Variants in NELL1 observed in about 807,000 individuals in gnomAD.
The protein encoded by NELL1 is protein kinase C-binding protein NELL1.
Under a neutral mutation model 107.4 loss-of-function variants are expected in NELL1, and 76 were observed. That is an observed-to-expected ratio of 0.71 (90% CI 0.59 to 0.86). The LOEUF (loss-of-function observed/expected upper bound fraction) is 0.86. Ranked by LOEUF, NELL1 falls within the 40% of genes least tolerant of loss-of-function variation. The probability of loss-of-function intolerance (pLI) is 0.00; values close to 1 mark genes in which losing one functional copy is unlikely to be tolerated. For synonymous variants in NELL1, 353 were observed against 341.2 expected, an observed-to-expected ratio of 1.03 and a Z score of -0.38; for missense variants, 1,024 against 1,005.5, an observed-to-expected ratio of 1.02 and a Z score of -0.25.
chr11:21,520,762 C>T (rs1855706012), intron 15 of NELL1, among the ~76,000 whole-genome samples: 1 of 152,198 alleles, frequency 6.6e-6, no homozygotes, highest in South Asian at 2.1e-4. Context: ...CCCCATGCAC[C>T]TGCTCCTTAC....
chr11:20,851,164 A>G (rs1055091869), intron 4 of NELL1, among the ~76,000 whole-genome samples: 1 of 152,182 alleles, frequency 6.6e-6, no homozygotes, highest in Non-Finnish European at 1.5e-5. Flanking sequence ...AGATAATTCC[A>G]TTGCTCTGAG....
intron 12 of NELL1, among the ~76,000 whole-genome samples, chr11:21,019,500 G>A (rs924939449): frequency 6.6e-5 from 10 of 152,018 alleles, no homozygotes; most frequent in Non-Finnish European, 5.9e-5. Flanking sequence ...GGGGCTATGT[G>A]TATCTTATTG....
intron 15 of NELL1, among the ~76,000 whole-genome samples, chr11:21,441,094 A>G (rs116246800): frequency 0.021 from 3,160 of 152,140 alleles, 51 homozygotes; most frequent in African/African-American, 0.05. Flanking sequence ...CTTTAATCTT[A>G]CCTCCTACAT....
intron 4 of NELL1, among the ~76,000 whole-genome samples, chr11:20,856,408 C>T (rs1848883384): frequency 2.0e-5 from 3 of 152,206 alleles, no homozygotes; most frequent in Admixed American, 6.5e-5. Flanking sequence ...CGCATCCCTA[C>T]TCATTAGAGT....
intron 15 of NELL1, among the ~76,000 whole-genome samples, chr11:21,525,512 G>A (rs2133960901): frequency 6.6e-6 from 1 of 152,328 alleles, no homozygotes; most frequent in African/African-American, 2.4e-5. Flanking sequence ...CAGTCATTCA[G>A]CTGGTTAGCA....
At chr11:21,342,263 A>T (rs577219831) in intron 14 of NELL1, among the ~76,000 whole-genome samples, 6 of 152,186 alleles carry the variant, frequency 3.9e-5, no homozygotes, top group African/African-American at 1.2e-4. Context: ...CCTACTAAGC[A>T]CTTTACATAA....
intron 12 of NELL1, among the ~76,000 whole-genome samples, chr11:21,003,731 T>G (rs1721957816): frequency 6.6e-6 from 1 of 152,158 alleles, no homozygotes; most frequent in African/African-American, 2.4e-5. Context: ...TGAGGGTCTC[T>G]GACTCCAAGA....
intron 13 of NELL1, among the ~76,000 whole-genome samples, chr11:21,179,224 A>G (rs1255943972): frequency 1.3e-5 from 2 of 151,952 alleles, no homozygotes; most frequent in Non-Finnish European, 2.9e-5. Flanking sequence ...AATATTTTGA[A>G]TAGAAAGTAG....
intron 12 of NELL1, among the ~76,000 whole-genome samples, chr11:20,971,816 A>G (rs559829487): frequency 1.3e-5 from 2 of 152,188 alleles, no homozygotes; most frequent in Non-Finnish European, 2.9e-5. Context: ...AAAATGTAGC[A>G]CATATAGCCC....
intron 2 of NELL1, among the ~76,000 whole-genome samples, chr11:20,768,757 C>A (rs558383686): frequency 6.6e-6 from 1 of 152,084 alleles, no homozygotes; most frequent in Admixed American, 6.5e-5. Flanking sequence ...GAAGAAGACA[C>A]GACCCAAGGG....
intron 2 of NELL1, among the ~76,000 whole-genome samples, chr11:20,713,177 G>A (rs1412450382): frequency 2.6e-5 from 4 of 152,122 alleles, no homozygotes; most frequent in African/African-American, 9.7e-5. Context: ...AGTTGACCAG[G>A]GTAAGTATTC....
At chr11:21,021,426 C>G (rs1021900532) in intron 12 of NELL1, among the ~76,000 whole-genome samples, 10 of 152,110 alleles carry the variant, frequency 6.6e-5, no homozygotes, top group African/African-American at 2.2e-4. Flanking sequence ...TTTCAAGGAA[C>G]TTTGGTTCCC....
chr11:21,051,198 C>T (rs1853485144), intron 12 of NELL1, among the ~76,000 whole-genome samples: 1 of 152,138 alleles, frequency 6.6e-6, no homozygotes, highest in Non-Finnish European at 1.5e-5. Context: ...GAATACTACT[C>T]AGCCATAAAA....
intron 2 of NELL1, among the ~76,000 whole-genome samples, chr11:20,704,589 C>A (rs1381925985): frequency 3.9e-5 from 6 of 152,164 alleles, no homozygotes; most frequent in Non-Finnish European, 8.8e-5. Flanking sequence ...GATGCAGTTT[C>A]TTCCTAGCCT....
chr11:20,954,046 G>T (rs897178636), intron 11 of NELL1, among the ~76,000 whole-genome samples: 1 of 152,194 alleles, frequency 6.6e-6, no homozygotes, highest in African/African-American at 2.4e-5. Flanking sequence ...GCCTCAGTCG[G>T]ACTATGGCTC....
chr11:21,234,080 T>C (rs528215084), intron 14 of NELL1, among the ~76,000 whole-genome samples: 2 of 152,308 alleles, frequency 1.3e-5, no homozygotes, highest in South Asian at 4.1e-4. Flanking sequence ...TTGAAAAGAA[T>C]TACCCAAAAT....
At chr11:21,541,665 T>A (rs1856296190) in intron 16 of NELL1, among the ~76,000 whole-genome samples, 1 of 152,074 alleles carries the variant, frequency 6.6e-6, no homozygotes, top group Non-Finnish European at 1.5e-5. Context: ...TTAAGGACAT[T>A]AAGCCTAGAT....
At chr11:21,188,137 G>A (rs2133832132) in intron 13 of NELL1, among the ~76,000 whole-genome samples, 1 of 151,960 alleles carries the variant, frequency 6.6e-6, no homozygotes, top group Admixed American at 6.5e-5. Flanking sequence ...GGAAGATGAA[G>A]GGGAAAGGTA....
chr11:21,552,231 T>A (rs1355461217), intron 16 of NELL1, among the ~76,000 whole-genome samples: 1 of 151,558 alleles, frequency 6.6e-6, no homozygotes, highest in East Asian at 2.0e-4. Context: ...TGCACATGTA[T>A]ACATATGTAA....
Sources: gnomAD v4.1 joint callset for allele counts (sites outside exome capture counted in the v4.1 genomes callset) on GRCh38, gnomAD v4.1.1 for gene constraint, MANE v1.5 for transcripts, NCBI Gene and HGNC (gene_info 2026-07-23, HGNC 2026-07-21) for gene names.